DPYD: variants seen among roughly 807,000 people sequenced by gnomAD.
DPYD encodes the protein dihydropyrimidine dehydrogenase.
A neutral mutation model predicts 116.2 loss-of-function variants in DPYD; 109 were observed. That is an observed-to-expected ratio of 0.94 (90% CI 0.80 to 1.10). The LOEUF is 1.10. DPYD is among the 50% of genes least tolerant of loss of function. DPYD has a pLI of 0.00. For synonymous variants in DPYD, 440 were observed against 432.0 expected, an observed-to-expected ratio of 1.02 and a Z score of -0.23; for missense variants, 1,302 against 1,254.5, an observed-to-expected ratio of 1.04 and a Z score of -0.57.
intron 16 of DPYD, among the ~76,000 whole-genome samples, chr1:97,351,556 G>A (rs1201274108): frequency 6.6e-6 from 1 of 152,188 alleles, no homozygotes; most frequent in South Asian, 2.1e-4. Flanking sequence ...AAATTATAAA[G>A]GACATGAATA....
intron 14 of DPYD, among the ~76,000 whole-genome samples, chr1:97,441,208 G>A (rs950469170): frequency 6.6e-6 from 1 of 151,820 alleles, no homozygotes; most frequent in South Asian, 2.1e-4. Flanking sequence ...AAGTTTCTTG[G>A]GGGTTTTTTT....
intron 13 of DPYD, among the ~76,000 whole-genome samples, chr1:97,509,945 A>C (rs1647648273): frequency 6.6e-6 from 1 of 151,988 alleles, no homozygotes; most frequent in Admixed American, 6.6e-5. Flanking sequence ...AATTATGTTA[A>C]CAGAGTTTTA....
chr1:97,363,002 C>T (rs760126635), intron 16 of DPYD, among the ~76,000 whole-genome samples: 1 of 152,218 alleles, frequency 6.6e-6, no homozygotes, highest in African/African-American at 2.4e-5. Flanking sequence ...AAATTACCAT[C>T]AGAGTGAACG....
chr1:97,549,679 T>C lies in DPYD; in HGVS notation c.1405A>G (p.Met469Val). The change falls in exon 12 of 23, where the codon ATG (methionine) becomes GTG (valine). Residue 469 changes from methionine to valine, a missense_variant. Met to Val is a conservative substitution (Grantham distance 21). Transcript: ENST00000370192. ...WGLPEVDPET[M>V]QTSEAWVFAG... The stretch of plus-strand genomic sequence containing the variant: ...AATACCCATGCTTCACTAGTTTGCA[T>C]AGTTTCTGGATCTACTTCTGGGAGA... 2 of 1,613,898 alleles carry C rather than the reference T, an allele frequency of 1.2e-6. No individual in the cohort carries two copies. The highest frequency in any genetic ancestry group is 1.7e-6 in the Non-Finnish European group (2 of 1,179,874).
At chr1:97,882,568 C>T (rs1672284275) in intron 2 of DPYD, among the ~76,000 whole-genome samples, 1 of 151,996 alleles carries the variant, frequency 6.6e-6, no homozygotes, top group Non-Finnish European at 1.5e-5. Context: ...GATAAAAAGA[C>T]ATTTCTTTCA....
At chr1:97,314,822 G>A (rs1355965971) in intron 16 of DPYD, among the ~76,000 whole-genome samples, 2 of 151,930 alleles carry the variant, frequency 1.3e-5, no homozygotes, top group Non-Finnish European at 1.5e-5. Context: ...AGTTTGAGAG[G>A]TACCTGCCCA....
intron 12 of DPYD, among the ~76,000 whole-genome samples, chr1:97,525,893 C>CGCGT (rs202062356): frequency 2.0e-5 from 2 of 101,626 alleles, no homozygotes; most frequent in Non-Finnish European, 3.9e-5. Flanking sequence ...TGTGCGCGCG[C>CGCGT]GCGTGTGTGT....
intron 19 of DPYD, among the ~76,000 whole-genome samples, chr1:97,228,979 C>T (rs9969993): frequency 0.24 from 36,731 of 151,548 alleles, 4,726 homozygotes; most frequent in South Asian, 0.52. Flanking sequence ...GGGCGGATCA[C>T]GAGGTCAGGA....
chr1:97,286,607 C>G lies in DPYD; in HGVS notation c.2299+18652G>C, dbSNP rs1160962554. On this transcript the variant is annotated intron_variant, in intron 18 of 22. Coordinates refer to ENST00000370192, the MANE Select transcript of DPYD (RefSeq NM_000110.4). ...CACATAGTCCCATATTTCTTGGAGG[C>G]TTTGTTCATTTCTTTTTATTCTTTT... Among the ~76,000 whole-genome samples, 5 of 152,258 alleles carry G rather than the reference C, an allele frequency of 3.3e-5. No individual in the cohort carries two copies. In the East Asian group the frequency reaches 9.7e-4, roughly 29 times the overall value.
At chr1:97,292,251 T>C (rs1666239322) in intron 18 of DPYD, among the ~76,000 whole-genome samples, 1 of 152,132 alleles carries the variant, frequency 6.6e-6, no homozygotes, top group Non-Finnish European at 1.5e-5. Flanking sequence ...CATGCTGCTA[T>C]TAAAGGCATA....
intron 12 of DPYD, among the ~76,000 whole-genome samples, chr1:97,545,308 A>G (rs1476145140): frequency 1.3e-5 from 2 of 152,164 alleles, no homozygotes; most frequent in Non-Finnish European, 2.9e-5. Context: ...TAATTTATAT[A>G]AATAAATGTC....
At chr1:97,079,272 T>TA in intron 22 of DPYD, 126 bp from the exon 23 acceptor site, 2 of 937,296 alleles carry the variant, frequency 2.1e-6, no homozygotes, top group Non-Finnish European at 3.5e-6. Context: ...TCCAGCTCTA[T>TA]GGTGCAACTA....
chr1:97,774,424 A>G (rs1373381195), intron 3 of DPYD, among the ~76,000 whole-genome samples: 2 of 152,158 alleles, frequency 1.3e-5, no homozygotes, highest in Non-Finnish European at 2.9e-5. Context: ...TATGATATTA[A>G]GAGTTTTGCT....
intron 2 of DPYD, among the ~76,000 whole-genome samples, chr1:97,878,843 A>C (rs1271655166): frequency 6.6e-6 from 1 of 152,006 alleles, no homozygotes; most frequent in Admixed American, 6.6e-5. Context: ...CAATGTGAGA[A>C]CTTCTTGGCA....
At chr1:97,838,294 C>T (rs554717706) in intron 2 of DPYD, among the ~76,000 whole-genome samples, 63 of 152,254 alleles carry the variant, frequency 4.1e-4, no homozygotes, top group Non-Finnish European at 4.4e-4. Flanking sequence ...ATATCAAACT[C>T]AGGTTTATTA....
chr1:97,106,764 A>T (rs1651187081), intron 20 of DPYD, among the ~76,000 whole-genome samples: 1 of 150,714 alleles, frequency 6.6e-6, no homozygotes, highest in South Asian at 2.1e-4. Flanking sequence ...ATGGCACGTC[A>T]TGGGACTTCC....
chr1:97,638,121 A>G (rs576720201), intron 8 of DPYD, among the ~76,000 whole-genome samples: 2 of 152,262 alleles, frequency 1.3e-5, no homozygotes, highest in South Asian at 4.1e-4. Context: ...GTTGAGACCA[A>G]GGAAGAGAAC....
intron 8 of DPYD, among the ~76,000 whole-genome samples, chr1:97,638,939 G>A (rs892125628): frequency 1.3e-5 from 2 of 152,058 alleles, no homozygotes; most frequent in Non-Finnish European, 2.9e-5. Flanking sequence ...AGATTTGGAT[G>A]GGATAAACAT....
chr1:97,413,932 A>C (rs907108830), intron 14 of DPYD, among the ~76,000 whole-genome samples: 8 of 152,094 alleles, frequency 5.3e-5, no homozygotes, highest in African/African-American at 1.9e-4. Flanking sequence ...TGCACAACAT[A>C]CTCACACCAA....
Sources: gnomAD v4.1 joint callset for allele counts (sites outside exome capture counted in the v4.1 genomes callset) on GRCh38, gnomAD v4.1.1 for gene constraint, MANE v1.5 for transcripts, NCBI Gene and HGNC (gene_info 2026-07-23, HGNC 2026-07-21) for gene names.